MUC17: variants seen among roughly 807,000 people sequenced by gnomAD.
The protein encoded by MUC17 is mucin-17.
A neutral mutation model predicts 170.3 loss-of-function variants in MUC17; 190 were observed. That is an observed-to-expected ratio of 1.12 (90% CI 0.99 to 1.26). The LOEUF (loss-of-function observed/expected upper bound fraction) is 1.26. MUC17 is among the 50% of genes most tolerant of loss of function. MUC17 has a pLI of 0.00. For synonymous variants in MUC17, 2,325 were observed against 2,002.5 expected (o/e 1.16, Z -4.30); for missense variants, 6,415 against 5,530.0 (o/e 1.16, Z -5.08).
chr7:101,057,957 A>G, intron 12 of MUC17, 46 bp from the exon 13 acceptor site: 1 of 1,585,662 alleles, frequency 6.3e-7, no homozygotes, highest in Non-Finnish European at 8.7e-7. Flanking sequence ...AGAATCCCAA[A>G]TTCCTCATGG....
intron 11 of MUC17, 34 bp downstream of exon 11, chr7:101,053,470 CA>C: frequency 6.4e-7 from 1 of 1,560,048 alleles, no homozygotes; most frequent in Non-Finnish European, 8.8e-7. Flanking sequence ...CAGAATGGCT[CA>C]AAATGTGGAA....
rs773435261 is a variant in MUC17 at position 101,050,683 on chromosome 7, G to C, written c.12874+48G>C. On this transcript the variant is annotated intron_variant, in intron 7 of 12. Coordinates refer to ENST00000306151, the MANE Select transcript of MUC17 (RefSeq NM_001040105.2). The stretch of plus-strand genomic sequence containing the variant: ...GGGAAGGGAGAAGGCATCAGAGCTG[G>C]GGCATGACTTTCTTAATAGACAGGA... The C allele has an allele frequency of 3.1e-6, 5 of 1,591,994 alleles. No individual in the cohort carries two copies. In the South Asian group the frequency reaches 5.7e-5, roughly 18 times the overall value.
Position 101,033,162 on chromosome 7 carries a change from G to T in MUC17, c.1746G>T (p.Val582=). 1 of 1,612,036 alleles carries T rather than the reference G, an allele frequency of 6.2e-7. No homozygotes were observed. The highest frequency in any genetic ancestry group is 8.5e-7 in the Non-Finnish European group (1 of 1,178,716). ...LTNMPVSTRL[V]VSSEASTTST... ...ACATGCCTGTCAGCACCAGGCTGGT[G>T]GTCAGTTCTGAGGCTAGCACCACTT... Residue 582 remains valine, a synonymous_variant, in exon 3 of 13, where the codon GTG becomes GTT. Coordinates refer to ENST00000306151, the MANE Select transcript of MUC17 (RefSeq NM_001040105.2).
chr7:101,035,373 T>TA lies in MUC17; in HGVS notation c.3958dup (p.Thr1320AsnfsTer4). The TA allele has an allele frequency of 6.2e-7, 1 of 1,611,178 alleles. No individual in the cohort carries two copies. Among genetic ancestry groups the TA allele is most frequent in the South Asian group, 1.1e-5 (1 of 90,806 alleles). On this transcript the variant is annotated frameshift_variant, in exon 3 of 13. Transcript: ENST00000306151. LOFTEE classifies it high-confidence loss of function. ...CTTCTAATGAAGTCAGTTCATCTCCTACACCTGCTGAAGGTACCAGCATGC... is the reference window on the plus strand; with the variant it reads ...CTTCTAATGAAGTCAGTTCATCTCCTAACACCTGCTGAAGGTACCAGCATGC...
intron 1 of MUC17, among the ~76,000 whole-genome samples, chr7:101,027,248 G>A (rs894647644): frequency 6.6e-6 from 1 of 152,134 alleles, no homozygotes; most frequent in Admixed American, 6.5e-5. Flanking sequence ...AAGGTAGTAA[G>A]TGAGGTTGGG....
At chr7:101,050,815 T>C (rs979398043) in intron 7 of MUC17, among the ~76,000 whole-genome samples, 180 bp downstream of exon 7, 19 of 152,002 alleles carry the variant, frequency 1.2e-4, no homozygotes, top group African/African-American at 4.6e-4. Flanking sequence ...CGAGAGAGTC[T>C]TTAACCTTCA....
chr7:101,034,763 C>G lies in MUC17; in HGVS notation c.3347C>G (p.Ser1116Cys), dbSNP rs1439195780. The change falls in exon 3 of 13, where the codon TCT becomes TGT. Residue 1116 changes from serine to cysteine, a missense_variant. Ser to Cys is a moderately radical substitution (Grantham distance 112). Coordinates refer to ENST00000306151, the MANE Select transcript of MUC17 (RefSeq NM_001040105.2). ...GTCAGCACCAGGCTGGTGGTCAGTTCTGAGGCTAGCACCCTTTCCACAACT... is the reference window on the plus strand; with the variant it reads ...GTCAGCACCAGGCTGGTGGTCAGTTGTGAGGCTAGCACCCTTTCCACAACT... ...VPVSTRLVVS[S>C]EASTLSTTPV... 6.2e-7 allele frequency: 1 copy of G among 1,606,856 alleles called. No homozygotes were observed. The highest frequency in any genetic ancestry group is 1.7e-5 in the Admixed American group (1 of 59,570).
Position 101,031,820 on chromosome 7 carries a change from A to T in MUC17, c.404A>T (p.Asp135Val), listed in dbSNP as rs370094020. 83 of 1,612,882 alleles carry T rather than the reference A, an allele frequency of 5.1e-5. No individual in the cohort carries two copies. The highest frequency in any genetic ancestry group is 1.6e-4 in the Middle Eastern group (1 of 6,078). Residue 135 changes from aspartate (D) to valine (V), a missense_variant, in exon 3 of 13, where the codon GAC becomes GTC. Coordinates refer to ENST00000306151, the MANE Select transcript of MUC17 (RefSeq NM_001040105.2). ...STTLFPSSTE[D>V]TSSPTTPEGT... ...ACACTTTTCCCCAGTTCTACTGAAG[A>T]CACTTCATCTCCTACAACTCCTGAA...
chr7:101,038,092 C>T lies in MUC17; in HGVS notation c.6676C>T (p.Pro2226Ser), dbSNP rs144624588. ...AGGAAGCACTCCATTCACAAGTATG[C>T]CTGTCAGCACCATGCCGGTAGTTAC... Reference protein sequence around the residue: ...SEGSTPFTSMPVSTMPVVTSE... With the variant: ...SEGSTPFTSMSVSTMPVVTSE... Residue 2226 changes from proline (P) to serine (S), a missense_variant, in exon 3 of 13, where the codon CCT becomes TCT. Physicochemically the swap from Pro to Ser is moderately conservative, Grantham distance 74. Coordinates refer to ENST00000306151, the MANE Select transcript of MUC17 (RefSeq NM_001040105.2). The T allele has an allele frequency of 5.0e-5, 71 of 1,406,114 alleles. No individual in the cohort carries two copies. The highest frequency in any genetic ancestry group is 5.0e-5 in the Non-Finnish European group (52 of 1,050,220). 87.1% of individuals were successfully genotyped at this position (1,406,114 alleles called of 1,614,324 possible).
At position 101,053,390 on chromosome 7, in the gene MUC17, A is replaced by G. The variant is rs762991518; in HGVS notation, c.13317A>G (p.Gly4439=). ...ACAAGTGGCAAGAAGAGGACAGTGG[A>G]CCAGCTCCTGGGACCTTCCAAAACA... is the stretch of plus-strand genomic sequence containing the variant. ...QLYKWQEEDS[G]PAPGTFQNIG... Residue 4439 remains glycine (G), a synonymous_variant, in exon 11 of 13, where the codon GGA becomes GGG. Coordinates refer to ENST00000306151, the MANE Select transcript of MUC17 (RefSeq NM_001040105.2). The G allele has an allele frequency of 3.7e-6, 6 of 1,613,976 alleles. No homozygotes were observed. The highest frequency in any genetic ancestry group is 1.7e-5 in the Admixed American group (1 of 59,990).
chr7:101,052,834 T>G, intron 9 of MUC17, 152 bp from the exon 10 acceptor site: 2 of 813,018 alleles, frequency 2.5e-6, no homozygotes, highest in Non-Finnish European at 3.8e-6. Context: ...GGTCTTCATC[T>G]CTGTTCATCC....
chr7:101,037,604 C>A lies in MUC17; in HGVS notation c.6188C>A (p.Thr2063Asn), dbSNP rs1794530861. 5.0e-6 allele frequency: 8 copies of A among 1,613,924 alleles called. No homozygotes were observed. The highest frequency in any genetic ancestry group is 6.8e-6 in the Non-Finnish European group (8 of 1,179,914). ...TTLVVSSEGN[T>N]LSTTPVDSKT... ...CTTGTGGTCAGTTCTGAGGGTAACACCCTTTCAACAACTCCTGTTGACTCC... is the reference window on the plus strand; with the variant it reads ...CTTGTGGTCAGTTCTGAGGGTAACAACCTTTCAACAACTCCTGTTGACTCC... Residue 2063 changes from threonine (T) to asparagine (N), a missense_variant, in exon 3 of 13, where the codon ACC becomes AAC. Physicochemically the swap from Thr to Asn is moderately conservative, Grantham distance 65. Coordinates refer to ENST00000306151, the MANE Select transcript of MUC17 (RefSeq NM_001040105.2).
chr7:101,032,467 A>T lies in MUC17; in HGVS notation c.1051A>T (p.Met351Leu). The T allele has an allele frequency of 6.2e-7, 1 of 1,613,822 alleles. No homozygotes were observed. The highest frequency in any genetic ancestry group is 8.5e-7 in the Non-Finnish European group (1 of 1,179,902). ...ASTMPVATSE[M>L]STLSITPVDT... Reference sequence around the variant, plus strand: ...CACCATGCCGGTTGCCACTTCTGAAATGAGCACACTTTCAATAACTCCTGT... The same window carrying T: ...CACCATGCCGGTTGCCACTTCTGAATTGAGCACACTTTCAATAACTCCTGT... The change falls in exon 3 of 13, where the codon ATG (methionine) becomes TTG (leucine). Residue 351 changes from methionine to leucine, a missense_variant. Transcript: ENST00000306151.
chr7:101,044,424 T>C (rs1390604214), intron 3 of MUC17, among the ~76,000 whole-genome samples: 1 of 152,246 alleles, frequency 6.6e-6, no homozygotes, highest in Non-Finnish European at 1.5e-5. Flanking sequence ...CTACTTTTTG[T>C]GGTTTTCTTC....
chr7:101,045,619 C>T (rs1409292888), intron 3 of MUC17, among the ~76,000 whole-genome samples: 1 of 152,172 alleles, frequency 6.6e-6, no homozygotes, highest in African/African-American at 2.4e-5. Flanking sequence ...TCTTGAACTC[C>T]TGTCCTCAGG....
In MUC17 at chr7:101,038,472, T is replaced by G. The variant is rs761274442; in HGVS notation, c.7056T>G (p.Ser2352Arg). 1 of 1,604,038 alleles carries G rather than the reference T, an allele frequency of 6.2e-7. No homozygotes were observed. ...CTGTCAGCACCACAATGGTGGCCAG[T>G]TTTGAAACAAGCACACTTTCTACAA... ...RMPVSTTMVASFETSTLSTTP... is the reference protein window; with the variant it reads ...RMPVSTTMVARFETSTLSTTP... Residue 2352 changes from serine to arginine, a missense_variant, in exon 3 of 13, where the codon AGT (serine) becomes AGG (arginine). Transcript: ENST00000306151.
At position 101,032,558 on chromosome 7, in the gene MUC17, C is replaced by T. The variant is rs768926168; in HGVS notation, c.1142C>T (p.Thr381Ile). ...PSSLPTTAEA[T>I]SMLTSTLSEG... ...TCACTTCCTACAACTGCTGAAGCTA[C>T]CAGCATGCTAACCTCAACTCTTAGT... Residue 381 changes from threonine (T) to isoleucine (I), a missense_variant, in exon 3 of 13, where the codon ACC becomes ATC. By Grantham distance (89) the Thr-to-Ile change is moderately conservative. Coordinates refer to ENST00000306151, the MANE Select transcript of MUC17 (RefSeq NM_001040105.2). 2 of 1,614,080 alleles carry T rather than the reference C, an allele frequency of 1.2e-6. No homozygotes were observed. Among genetic ancestry groups the T allele is most frequent in the South Asian group, 2.2e-5 (2 of 91,082 alleles).
rs1562806482 is a variant in MUC17, at chr7:101,034,397, TG to T, written c.2983del (p.Val995TrpfsTer20). 2 of 1,606,758 alleles carry T rather than the reference TG, an allele frequency of 1.2e-6. No individual in the cohort carries two copies. Among genetic ancestry groups the T allele is most frequent in the South Asian group, 2.2e-5 (2 of 90,020 alleles). On this transcript the variant is annotated frameshift_variant, in exon 3 of 13. Transcript: ENST00000306151. LOFTEE classifies it high-confidence loss of function. The part of the protein sequence containing the change: ...PLTSTPVSHT[L>X]VANSEASTLS... The stretch of plus-strand genomic sequence containing the variant: ...ACAAGCACACCTGTCAGCCACACGC[TG>T]GTGGCCAATTCTGAGGCTAGCACCC...
intron 1 of MUC17, among the ~76,000 whole-genome samples, chr7:101,029,314 C>T (rs961172695): frequency 2.0e-5 from 3 of 152,048 alleles, no homozygotes; most frequent in Non-Finnish European, 4.4e-5. Flanking sequence ...AGAGATCGCG[C>T]CACTGCACTC....
Sources: allele counts gnomAD v4.1 joint callset (sites outside exome capture counted in the v4.1 genomes callset), GRCh38; gene constraint gnomAD v4.1.1; transcripts MANE v1.5; gene names NCBI Gene and HGNC (gene_info 2026-07-23, HGNC 2026-07-21).